The following SORCS3 variants were observed in gnomAD, a reference collection of about 807,000 sequenced individuals.
SORCS3 encodes the protein sortilin related VPS10 domain containing receptor 3.
SORCS3 carries 57 observed loss-of-function variants against 146.3 expected under a neutral mutation model. The observed-to-expected ratio is 0.39, with a 90% CI of 0.31 to 0.49. SORCS3 has a LOEUF of 0.49. Among genes scored for constraint, SORCS3 ranks in the 20% least tolerant of loss-of-function variants. SORCS3 has a pLI of 0.92. For synonymous variants in SORCS3, 653 were observed against 618.5 expected (o/e 1.06, Z -0.83); for missense variants, 1,341 against 1,575.5 (o/e 0.85, Z 2.52).
chr10:104,893,969 C>T (rs2018774189), intron 2 of SORCS3, among the ~76,000 whole-genome samples: 1 of 152,184 alleles, frequency 6.6e-6, no homozygotes, highest in South Asian at 2.1e-4. Context: ...CATTGTTTAG[C>T]TATGTCTACT....
chr10:105,052,947 A>G (rs1275229760), intron 5 of SORCS3, among the ~76,000 whole-genome samples: 2 of 152,104 alleles, frequency 1.3e-5, no homozygotes, highest in Non-Finnish European at 2.9e-5. Flanking sequence ...ACAAAATACC[A>G]CAGACTGGTT....
chr10:104,842,439 T>C (rs2018152258), intron 1 of SORCS3, among the ~76,000 whole-genome samples: 1 of 152,170 alleles, frequency 6.6e-6, no homozygotes, highest in South Asian at 2.1e-4. Context: ...TATCATCTGA[T>C]CTCTGGGTGG....
intron 1 of SORCS3, among the ~76,000 whole-genome samples, chr10:104,752,079 G>C (rs2016994827): frequency 6.7e-6 from 1 of 150,288 alleles, no homozygotes; most frequent in Non-Finnish European, 1.5e-5. Flanking sequence ...TTGTCACCCA[G>C]GCTGGGGTGC....
At chr10:104,868,630 T>C (rs1321245587) in intron 2 of SORCS3, among the ~76,000 whole-genome samples, 1 of 152,190 alleles carries the variant, frequency 6.6e-6, no homozygotes, top group South Asian at 2.1e-4. Context: ...TGAGATTCTA[T>C]GTTTGATATT....
intron 1 of SORCS3, among the ~76,000 whole-genome samples, chr10:104,830,972 C>A (rs953588480): frequency 6.6e-6 from 1 of 151,914 alleles, no homozygotes; most frequent in Non-Finnish European, 1.5e-5. Context: ...CCACCATGCC[C>A]AGCTAATTTT....
chr10:104,815,270 G>A (rs2017783887), intron 1 of SORCS3, among the ~76,000 whole-genome samples: 1 of 151,904 alleles, frequency 6.6e-6, no homozygotes, highest in Non-Finnish European at 1.5e-5. Flanking sequence ...GACCAGCCTG[G>A]GCAACATGGT....
chr10:105,223,398 C>T lies in SORCS3; in HGVS notation c.2868+149C>T. 4.6e-6 allele frequency: 3 copies of T among 656,454 alleles called. No homozygotes were observed. The South Asian group carries it at 1.5e-4, about 32-fold the overall frequency. The allele number at this position is 656,454 out of a possible 1,614,324, so 40.7% of individuals were successfully genotyped here. ...AGCCCACAAAATTGAATAAAACATA[C>T]CTCTTTACACCAAGTTCATTACTTT... On this transcript the variant is annotated intron_variant, in intron 20 of 26. Coordinates refer to ENST00000369701, the MANE Select transcript of SORCS3 (RefSeq NM_014978.3).
chr10:104,799,626 G>A (rs1394200772), intron 1 of SORCS3, among the ~76,000 whole-genome samples: 1 of 152,134 alleles, frequency 6.6e-6, no homozygotes, highest in African/African-American at 2.4e-5. Flanking sequence ...CAAACCACCA[G>A]GGCACGTGTA....
chr10:104,787,871 G>A (rs573629994), intron 1 of SORCS3, among the ~76,000 whole-genome samples: 13 of 152,108 alleles, frequency 8.5e-5, no homozygotes, highest in Admixed American at 1.3e-4. Context: ...ACAAGCAGAC[G>A]GCTCTCTGCC....
chr10:105,151,158 C>T (rs1179911987), intron 9 of SORCS3, among the ~76,000 whole-genome samples: 1 of 152,090 alleles, frequency 6.6e-6, no homozygotes. Context: ...AAGAATAATT[C>T]TAACTTGAGT....
intron 9 of SORCS3, among the ~76,000 whole-genome samples, chr10:105,156,897 GA>G (rs978038374): frequency 2.0e-5 from 3 of 151,190 alleles, no homozygotes; most frequent in Admixed American, 1.3e-4. Flanking sequence ...AGCAAACTGG[GA>G]AAAAAACAGA....
chr10:105,164,704 G>A (rs904939376), intron 12 of SORCS3, among the ~76,000 whole-genome samples: 6 of 152,132 alleles, frequency 3.9e-5, no homozygotes, highest in Non-Finnish European at 7.4e-5. Context: ...TATCATTAGT[G>A]TGCCAAGAGT....
chr10:105,050,689 C>A (rs991080530), intron 5 of SORCS3, among the ~76,000 whole-genome samples: 2 of 152,068 alleles, frequency 1.3e-5, no homozygotes, highest in South Asian at 2.1e-4. Flanking sequence ...TGAGACAATA[C>A]GTATTTGTTG....
intron 1 of SORCS3, among the ~76,000 whole-genome samples, chr10:104,768,307 C>T (rs557231147): frequency 1.0e-3 from 153 of 152,292 alleles, no homozygotes; most frequent in Middle Eastern, 6.8e-3. Context: ...ACTTTTCCTT[C>T]TTTAGAGGGA....
intron 1 of SORCS3, among the ~76,000 whole-genome samples, chr10:104,749,725 AG>A (rs1238465859): frequency 6.6e-6 from 1 of 152,206 alleles, no homozygotes; most frequent in Non-Finnish European, 1.5e-5. Context: ...CTGACTCCAA[AG>A]CCAGTGCAAT....
intron 1 of SORCS3, among the ~76,000 whole-genome samples, chr10:104,745,729 C>T (rs549438537): frequency 6.6e-6 from 1 of 152,122 alleles, no homozygotes; most frequent in Non-Finnish European, 1.5e-5. Context: ...ACTGATACCT[C>T]CCACTTGCCC....
intron 11 of SORCS3, among the ~76,000 whole-genome samples, chr10:105,159,425 A>T (rs1399085951): frequency 6.6e-6 from 1 of 152,212 alleles, no homozygotes; most frequent in Non-Finnish European, 1.5e-5. Flanking sequence ...AATCAGGTGC[A>T]TGTAAAGGCT....
chr10:104,934,325 C>T (rs2019238659), intron 3 of SORCS3, among the ~76,000 whole-genome samples: 1 of 152,158 alleles, frequency 6.6e-6, no homozygotes, highest in South Asian at 2.1e-4. Context: ...TAGGTCTAGG[C>T]ATTAATGATG....
intron 4 of SORCS3, among the ~76,000 whole-genome samples, chr10:104,995,306 C>T (rs10400104): frequency 0.16 from 24,174 of 151,824 alleles, 2,145 homozygotes; most frequent in African/African-American, 0.23. Flanking sequence ...ATCACAGGTG[C>T]ACGCCACCAT....
Sources: allele counts gnomAD v4.1 joint callset (sites outside exome capture counted in the v4.1 genomes callset), GRCh38; gene constraint gnomAD v4.1.1; transcripts MANE v1.5; gene names NCBI Gene and HGNC (gene_info 2026-07-23, HGNC 2026-07-21).